Variants in CACNA1E observed in about 807,000 individuals in gnomAD.
CACNA1E encodes the protein calcium voltage-gated channel subunit alpha1 E.
Under a neutral mutation model 259.2 loss-of-function variants are expected in CACNA1E, and 40 were observed. The observed-to-expected ratio is 0.15, with a 90% CI of 0.12 to 0.20. The LOEUF is 0.20. Ranked by LOEUF, CACNA1E falls within the 10% of genes least tolerant of loss-of-function variation. The pLI, the probability that CACNA1E is intolerant of heterozygous loss-of-function variation, is 1.00. For synonymous variants in CACNA1E, 1,104 were observed against 1,138.5 expected (o/e 0.97, Z 0.61); for missense variants, 1,874 against 3,040.1 (o/e 0.62, Z 9.02).
At chr1:181,633,508 T>C (rs926558804) in intron 6 of CACNA1E, among the ~76,000 whole-genome samples, 1 of 152,084 alleles carries the variant, frequency 6.6e-6, no homozygotes, top group Non-Finnish European at 1.5e-5. Flanking sequence ...TTTTATTTTT[T>C]TGAGATGGAA....
rs753132042 is a variant in CACNA1E at position 181,776,214 on chromosome 1, T to C, written c.5253T>C (p.Tyr1751=). 93 of 1,613,922 alleles carry C rather than the reference T, an allele frequency of 5.8e-5. No homozygotes were observed. The East Asian group carries it at 2.0e-3, about 35-fold the overall frequency. The part of the protein sequence containing the change: ...LDEFVRVWAE[Y]DRAACGRIHY... Reference sequence around the variant, plus strand: ...AGTTTGTCCGCGTCTGGGCAGAATATGACCGAGCAGCATGGTGCGTAGGCC... The same window carrying C: ...AGTTTGTCCGCGTCTGGGCAGAATACGACCGAGCAGCATGGTGCGTAGGCC... The change falls in exon 38 of 48, where the codon TAT becomes TAC. Residue 1751 remains tyrosine, a synonymous_variant. Coordinates refer to ENST00000367573, the MANE Select transcript of CACNA1E (RefSeq NM_001205293.3). The surrounding 1 kb of genome is among the most constrained non-coding windows in gnomAD (Gnocchi z 4.4).
intron 2 of CACNA1E, among the ~76,000 whole-genome samples, chr1:181,443,208 A>T (rs563391227): frequency 6.6e-6 from 1 of 152,368 alleles, no homozygotes; most frequent in South Asian, 2.1e-4. Context: ...TAATATAAAA[A>T]TGTGTGAAAG....
rs184492847 is a variant in CACNA1E at position 181,701,233 on chromosome 1, C to A, written c.1056-9721C>A. On this transcript the variant is annotated intron_variant, in intron 7 of 47. Coordinates refer to ENST00000367573, the MANE Select transcript of CACNA1E (RefSeq NM_001205293.3). The stretch of plus-strand genomic sequence containing the variant: ...AATTTCTTCCTTGAACACAGCTGCA[C>A]CTCTCCTCAGACACCTCCAAAGCTT... Among the ~76,000 whole-genome samples the A allele has an allele frequency of 4.6e-4, 70 of 152,320 alleles. 1 individual carries two copies. Among genetic ancestry groups the A allele is most frequent in the Non-Finnish European group, 1.0e-4 (7 of 68,026 alleles).
rs12033233 is a variant in CACNA1E at position 181,540,559 on chromosome 1, C to T, written c.512+29049C>T. On this transcript the variant is annotated intron_variant, in intron 3 of 47. Coordinates refer to ENST00000367573, the MANE Select transcript of CACNA1E (RefSeq NM_001205293.3). The stretch of plus-strand genomic sequence containing the variant: ...TAAGCTAAAGGAATTTGAAAAACAA[C>T]GTGTGCAGGAAAGACTCTCTGGTCT... Among the ~76,000 whole-genome samples the T allele has an allele frequency of 5.0e-3, 754 of 152,224 alleles. 19 individuals are homozygous for T. The East Asian group carries it at 0.069, about 14-fold the overall frequency.
Position 181,737,515 on chromosome 1 carries a change from C to A in CACNA1E, c.3423-10C>A. 6.2e-7 allele frequency: 1 copy of A among 1,613,462 alleles called. No homozygotes were observed. Among genetic ancestry groups the A allele is most frequent in the Non-Finnish European group, 8.5e-7 (1 of 1,179,570 alleles). The stretch of plus-strand genomic sequence containing the variant: ...GAGTGGGCCAGCTCAGCCATGCCCA[C>A]TGCCCGCAGGATCCGGAGGGCCTGC... On this transcript the variant is annotated splice_polypyrimidine_tract_variant and intron_variant, in intron 22 of 47. Transcript: ENST00000367573.
intron 3 of CACNA1E, among the ~76,000 whole-genome samples, chr1:181,518,135 A>G (rs1378954218): frequency 6.6e-6 from 1 of 152,078 alleles, no homozygotes; most frequent in African/African-American, 2.4e-5. Flanking sequence ...AGATGGGGAA[A>G]CCGAGGCTGA....
At chr1:181,328,919 A>G (rs994940352) in intron 1 of CACNA1E, among the ~76,000 whole-genome samples, 2 of 152,210 alleles carry the variant, frequency 1.3e-5, no homozygotes, top group Admixed American at 1.3e-4. Flanking sequence ...CAAAGAATTT[A>G]TCACAACTCC....
At chr1:181,778,624 A>G (rs755591656) in intron 38 of CACNA1E, among the ~76,000 whole-genome samples, 22 of 152,172 alleles carry the variant, frequency 1.4e-4, no homozygotes, top group South Asian at 2.1e-4. Flanking sequence ...AAATTAATCA[A>G]TCATTAATTC....
chr1:181,770,589 C>G (rs138830514), intron 35 of CACNA1E, among the ~76,000 whole-genome samples: 1 of 152,330 alleles, frequency 6.6e-6, no homozygotes, highest in East Asian at 1.9e-4. Flanking sequence ...ATCCTATTGG[C>G]CTGGACTTCA....
chr1:181,648,153 A>G (rs1189638777), intron 6 of CACNA1E, among the ~76,000 whole-genome samples: 1 of 152,210 alleles, frequency 6.6e-6, no homozygotes, highest in South Asian at 2.1e-4. Context: ...AGAGGGGGCT[A>G]TGAGAATGAA....
At chr1:181,379,890 A>G (rs972967666) in intron 1 of CACNA1E, among the ~76,000 whole-genome samples, 1 of 151,666 alleles carries the variant, frequency 6.6e-6, no homozygotes, top group South Asian at 2.1e-4. Flanking sequence ...ATGACAGCAG[A>G]TTTCTTTTGG....
At chr1:181,576,683 G>A (rs1398421587) in intron 3 of CACNA1E, among the ~76,000 whole-genome samples, 1 of 152,214 alleles carries the variant, frequency 6.6e-6, no homozygotes, top group Non-Finnish European at 1.5e-5. Context: ...GAGTAGCTGA[G>A]ATTGTTCTGG....
chr1:181,322,406 A>T (rs1222638261), intron 1 of CACNA1E, among the ~76,000 whole-genome samples: 2 of 152,216 alleles, frequency 1.3e-5, no homozygotes, highest in African/African-American at 4.8e-5. Flanking sequence ...CCAAGTATAC[A>T]TGTTACAAAC....
At chr1:181,787,569 AAGAGCCAATATGTCCCC>A (rs1177612324) in intron 43 of CACNA1E, among the ~76,000 whole-genome samples, 2 of 152,238 alleles carry the variant, frequency 1.3e-5, no homozygotes, top group Admixed American at 1.3e-4. Flanking sequence ...AATATTTATT[AAGAGCCAATATGTCCCC>A]AGAGCTGACT....
intron 1 of CACNA1E, among the ~76,000 whole-genome samples, chr1:181,389,514 T>C (rs1656104497): frequency 6.6e-6 from 1 of 152,196 alleles, no homozygotes. Flanking sequence ...CTGCAATTAA[T>C]GAGGATGGAC....
Position 181,798,514 on chromosome 1 carries a change from A to G in CACNA1E, c.6622A>G (p.Thr2208Ala). ...QALESNNACL[T>A]ESSNSPHPQQ... ...TCTGGAGAGCAACAATGCTTGCCTG[A>G]CCGAGTCTTCCAACTCTCCGCACCC... The change falls in exon 48 of 48, where the codon ACC becomes GCC. Residue 2208 changes from threonine (T) to alanine (A), a missense_variant. Thr to Ala is a moderately conservative substitution (Grantham distance 58). Transcript: ENST00000367573. This position sits in a 1 kb window ranked among gnomAD's most constrained non-coding sequence, Gnocchi z 4.2. 6 of 1,613,854 alleles carry G rather than the reference A, an allele frequency of 3.7e-6. No individual in the cohort carries two copies. The highest frequency in any genetic ancestry group is 5.1e-6 in the Non-Finnish European group (6 of 1,179,884).
intron 1 of CACNA1E, among the ~76,000 whole-genome samples, chr1:181,405,001 C>T (rs1365592208): frequency 1.3e-5 from 2 of 152,352 alleles, no homozygotes; most frequent in South Asian, 2.1e-4. Flanking sequence ...CAGTCCAAAC[C>T]GTGTTCCCTA....
At chr1:181,417,231 A>G (rs932741069) in intron 2 of CACNA1E, among the ~76,000 whole-genome samples, 3 of 152,022 alleles carry the variant, frequency 2.0e-5, no homozygotes, top group African/African-American at 4.8e-5. Context: ...TTCCCATCTT[A>G]TCAAACTGAA....
chr1:181,775,078 G>A (rs553303097), intron 37 of CACNA1E, among the ~76,000 whole-genome samples: 1 of 152,340 alleles, frequency 6.6e-6, no homozygotes, highest in South Asian at 2.1e-4. Context: ...GATGGCTGTA[G>A]TGGCAGCTCT....
Sources: allele counts gnomAD v4.1 joint callset (sites outside exome capture counted in the v4.1 genomes callset), GRCh38; gene constraint gnomAD v4.1.1; non-coding constraint Gnocchi (gnomAD v3.1); transcripts MANE v1.5; gene names NCBI Gene and HGNC (gene_info 2026-07-23, HGNC 2026-07-21).